APBB1IP: variants seen among roughly 807,000 people sequenced by gnomAD.
APBB1IP encodes the protein amyloid beta A4 precursor protein-binding family B member 1-interacting protein.
Under a neutral mutation model 64.9 loss-of-function variants are expected in APBB1IP, and 27 were observed. The observed-to-expected ratio is 0.42, with a 90% CI of 0.31 to 0.57. The LOEUF (loss-of-function observed/expected upper bound fraction) is 0.57. Ranked by LOEUF, APBB1IP falls within the 20% of genes least tolerant of loss-of-function variation. The pLI is 0.20. For synonymous variants in APBB1IP, 392 were observed against 331.0 expected (o/e 1.18, Z -2.00); for missense variants, 812 against 845.5 (o/e 0.96, Z 0.49).
chr10:26,567,113 C>A lies in APBB1IP; in HGVS notation c.1626C>A (p.Gly542=). Reference sequence around the variant, plus strand: ...CGCCCCTCAAGGCCAAGGGCACAGGCGGCGGGGGCTTGCCCGCCCCACCCG... The same window carrying A: ...CGCCCCTCAAGGCCAAGGGCACAGGAGGCGGGGGCTTGCCCGCCCCACCCG... ...PATPLKAKGT[G]GGGLPAPPDD... Residue 542 remains glycine, a synonymous_variant, in exon 15 of 15, where the codon GGC becomes GGA. Transcript: ENST00000376236. 1 of 1,428,798 alleles carries A rather than the reference C, an allele frequency of 7.0e-7. No individual in the cohort carries two copies. 88.5% of individuals were successfully genotyped at this position (1,428,798 alleles called of 1,614,324 possible).
intron 2 of APBB1IP, among the ~76,000 whole-genome samples, chr10:26,482,010 C>T (rs1437747606): frequency 6.6e-6 from 1 of 152,048 alleles, no homozygotes; most frequent in Admixed American, 6.6e-5. Context: ...ATATTGCTTA[C>T]AAAAGGACCC....
chr10:26,470,652 T>C lies in APBB1IP; in HGVS notation c.1-21675T>C, dbSNP rs142009874. ...TACTAAGCTACAGTGTGCAGTAGGT[T>C]AGGTGTATTAAATTCATTTTCGACT... On this transcript the variant is annotated intron_variant, in intron 2 of 14. Transcript: ENST00000376236. 5.1e-3 allele frequency among the ~76,000 whole-genome samples: 775 copies of C among 152,324 alleles called. 3 individuals carry two copies. The highest frequency in any genetic ancestry group is 0.018 in the African/African-American group (747 of 41,564).
At chr10:26,475,762 T>C (rs1042766085) in intron 2 of APBB1IP, among the ~76,000 whole-genome samples, 2 of 151,176 alleles carry the variant, frequency 1.3e-5, no homozygotes, top group Non-Finnish European at 2.9e-5. Context: ...AGAGATAATA[T>C]TTTTTTTCCT....
At chr10:26,538,897 C>T (rs1275514700) in intron 10 of APBB1IP, among the ~76,000 whole-genome samples, 1 of 152,072 alleles carries the variant, frequency 6.6e-6, no homozygotes, top group Non-Finnish European at 1.5e-5. Context: ...AACAGCACAG[C>T]TAGAGACAAA....
rs1290394505 is a variant in APBB1IP at position 26,514,596 on chromosome 10, A to T, written c.813+936A>T. Among the ~76,000 whole-genome samples the T allele has an allele frequency of 2.6e-5, 4 of 152,056 alleles. No homozygotes were observed. The East Asian group carries it at 7.7e-4, about 29-fold the overall frequency. ...CAACTATAATTGTGTGAGGGTCATT[A>T]CTTTCTTTTTGAAAATCAAAGAATG... On this transcript the variant is annotated intron_variant, in intron 8 of 14. Coordinates refer to ENST00000376236, the MANE Select transcript of APBB1IP (RefSeq NM_019043.4).
intron 8 of APBB1IP, among the ~76,000 whole-genome samples, chr10:26,528,594 A>G (rs1836509044): frequency 6.6e-6 from 1 of 152,034 alleles, no homozygotes; most frequent in Admixed American, 6.6e-5. Context: ...CCATCTCACT[A>G]TGATCGATCT....
At chr10:26,456,115 C>T (rs1209248947) in intron 2 of APBB1IP, among the ~76,000 whole-genome samples, 1 of 152,084 alleles carries the variant, frequency 6.6e-6, no homozygotes, top group Non-Finnish European at 1.5e-5. Context: ...TGAACGGATA[C>T]AGGGTTTCTT....
rs900025540 is a variant in APBB1IP, at chr10:26,531,495, A to G, written c.814-1944A>G. On this transcript the variant is annotated intron_variant, in intron 8 of 14. Coordinates refer to ENST00000376236, the MANE Select transcript of APBB1IP (RefSeq NM_019043.4). ...ATCCTGGCTAACATGGTGAAACCCC[A>G]TCTCTACTAAAAATACAAAAAATTA... 4.6e-5 allele frequency among the ~76,000 whole-genome samples: 7 copies of G among 152,066 alleles called. No individual in the cohort carries two copies. In the East Asian group the frequency reaches 7.7e-4, roughly 17 times the overall value.
intron 2 of APBB1IP, among the ~76,000 whole-genome samples, chr10:26,469,048 G>C (rs1442681304): frequency 6.6e-6 from 1 of 151,038 alleles, no homozygotes; most frequent in African/African-American, 2.4e-5. Context: ...AGAGACCTGT[G>C]CTTTTGACTT....
chr10:26,503,382 TC>T, intron 6 of APBB1IP, 108 bp downstream of exon 6: 1 of 1,016,662 alleles, frequency 9.8e-7, no homozygotes, highest in Non-Finnish European at 1.4e-6. Context: ...ACACCTGTAA[TC>T]CCAGCACTTT....
intron 9 of APBB1IP, among the ~76,000 whole-genome samples, chr10:26,535,511 A>G (rs1257432407): frequency 6.6e-5 from 10 of 152,182 alleles, no homozygotes; most frequent in Admixed American, 6.5e-4. Context: ...GTTATTATTG[A>G]CTATAGTCAC....
chr10:26,523,059 C>T (rs1345636551), intron 8 of APBB1IP, among the ~76,000 whole-genome samples: 1 of 145,888 alleles, frequency 6.9e-6, no homozygotes, highest in Non-Finnish European at 1.5e-5. Context: ...GGGGAGGGGA[C>T]ATCTCTTAAT....
rs184396233 is a variant in APBB1IP, at chr10:26,442,065, G to A, written c.-1+3212G>A. 4.9e-3 allele frequency among the ~76,000 whole-genome samples: 746 copies of A among 152,248 alleles called. 4 individuals carry two copies. The highest frequency in any genetic ancestry group is 0.017 in the African/African-American group (690 of 41,534). ...AAAAAACCTGGGGCCTTTCCACAAT[G>A]AGTTTATAGTCTAGAAGAGGAGATG... On this transcript the variant is annotated intron_variant, in intron 2 of 14. Coordinates refer to ENST00000376236, the MANE Select transcript of APBB1IP (RefSeq NM_019043.4).
chr10:26,490,729 A>G (rs1835945230), intron 2 of APBB1IP, among the ~76,000 whole-genome samples: 1 of 152,272 alleles, frequency 6.6e-6, no homozygotes, highest in African/African-American at 2.4e-5. Context: ...GTAGGAAGAT[A>G]TAAATGGAAA....
Position 26,567,146 on chromosome 10 carries a change from C to CCTGCCGCCGCCG in APBB1IP, c.1661_1672dup (p.Leu554_Pro557dup), listed in dbSNP as rs2132489295. The stretch of plus-strand genomic sequence containing the variant: ...GCTTGCCCGCCCCACCCGACGACTT[C>CCTGCCGCCGCCG]CTGCCGCCGCCGCCACCGCCGCCGC... On this transcript the variant is annotated inframe_insertion, in exon 15 of 15. Coordinates refer to ENST00000376236, the MANE Select transcript of APBB1IP (RefSeq NM_019043.4). 1 of 1,418,230 alleles carries CCTGCCGCCGCCG rather than the reference C, an allele frequency of 7.1e-7. No individual in the cohort carries two copies. Among genetic ancestry groups the CCTGCCGCCGCCG allele is most frequent in the Admixed American group, 3.1e-5 (1 of 32,602 alleles). 87.9% of individuals were successfully genotyped at this position (1,418,230 alleles called of 1,614,324 possible). A position where few individuals can be genotyped will look rare whatever the true frequency, so the allele number is the denominator to read the frequency against.
chr10:26,496,562 A>C (rs1283979391), intron 4 of APBB1IP, among the ~76,000 whole-genome samples, 171 bp downstream of exon 4: 1 of 152,142 alleles, frequency 6.6e-6, no homozygotes, highest in African/African-American at 2.4e-5. Flanking sequence ...GAATTGAGAG[A>C]GTCAAGAAGA....
At chr10:26,469,449 C>T (rs780504871) in intron 2 of APBB1IP, among the ~76,000 whole-genome samples, 1 of 151,862 alleles carries the variant, frequency 6.6e-6, no homozygotes, top group African/African-American at 2.4e-5. Context: ...CTGGGTTTCA[C>T]CATGCTGGCC....
intron 2 of APBB1IP, among the ~76,000 whole-genome samples, chr10:26,475,204 C>A (rs534242966): frequency 7.9e-5 from 12 of 151,296 alleles, no homozygotes; most frequent in Admixed American, 6.6e-5. Context: ...TTCACTGCAA[C>A]CTCCGCCTCC....
chr10:26,438,811 C>T lies in APBB1IP; in HGVS notation c.-43C>T, dbSNP rs1835307730. ...CGCGTCGCTTTCCCGGCCGGAGTCT[C>T]GCCGCCTTCCCGCGCCCCGCAGCGC... On this transcript the variant is annotated 5_prime_UTR_variant, in exon 2 of 15. Coordinates refer to ENST00000376236, the MANE Select transcript of APBB1IP (RefSeq NM_019043.4). The T allele has an allele frequency of 1.3e-5, 2 of 152,746 alleles. No individual in the cohort carries two copies. Among genetic ancestry groups the T allele is most frequent in the Non-Finnish European group, 1.5e-5 (1 of 68,388 alleles). The allele number at this position is 152,746 out of a possible 1,614,324, so 9.5% of individuals were successfully genotyped here.
Sources: allele counts gnomAD v4.1 joint callset (sites outside exome capture counted in the v4.1 genomes callset), GRCh38; gene constraint gnomAD v4.1.1; transcripts MANE v1.5; gene names NCBI Gene and HGNC (gene_info 2026-07-23, HGNC 2026-07-21).